CHCHD3: variants seen among roughly 807,000 people sequenced by gnomAD.
The protein encoded by CHCHD3 is coiled-coil-helix-coiled-coil-helix domain containing 3.
In CHCHD3, 20 loss-of-function variants were observed where a neutral mutation model predicts 38.2. The observed-to-expected ratio is 0.52, with a 90% CI of 0.37 to 0.76. The LOEUF is 0.76. Among genes scored for constraint, CHCHD3 ranks in the 30% least tolerant of loss-of-function variants. The pLI, the probability that CHCHD3 is intolerant of heterozygous loss-of-function variation, is 0.00. For synonymous variants in CHCHD3, 82 were observed against 100.0 expected (o/e 0.82, Z 1.07); for missense variants, 245 against 279.2 (o/e 0.88, Z 0.87).
chr7:132,952,606 T>C (rs963958246), intron 4 of CHCHD3, among the ~76,000 whole-genome samples: 6 of 152,220 alleles, frequency 3.9e-5, no homozygotes, highest in African/African-American at 1.2e-4. Context: ...AATAGAGAGA[T>C]GAGCAGTTCA....
intron 4 of CHCHD3, chr7:132,886,912 AAC>A (rs1809231791): frequency 7.4e-6 from 8 of 1,079,518 alleles, no homozygotes; most frequent in Non-Finnish European, 1.2e-6. Flanking sequence ...CTGTCTACTC[AAC>A]TATCTGCTTA....
At chr7:133,054,631 G>A (rs1032528729) in intron 2 of CHCHD3, among the ~76,000 whole-genome samples, 1 of 152,138 alleles carries the variant, frequency 6.6e-6, no homozygotes, top group African/African-American at 2.4e-5. Context: ...ATGGTGTTTA[G>A]TATATCCTCA....
At chr7:132,955,173 G>GGTGTGTGTGTGTGTGTGT (rs3050414) in intron 4 of CHCHD3, among the ~76,000 whole-genome samples, 2,935 of 126,214 alleles carry the variant, frequency 0.023, 82 homozygotes, top group African/African-American at 0.04. Flanking sequence ...TCCCTCAGAG[G>GGTGTGTGTGTGTGTGTGT]GTGTGTGTGT....
chr7:132,905,457 C>T (rs1037349631), intron 4 of CHCHD3, among the ~76,000 whole-genome samples: 37 of 151,936 alleles, frequency 2.4e-4, no homozygotes, highest in African/African-American at 8.7e-4. Flanking sequence ...GGGGGGCTGT[C>T]GGGAGGGAGA....
intron 4 of CHCHD3, 30 bp downstream of exon 4, chr7:132,975,139 G>T: frequency 6.4e-7 from 1 of 1,568,138 alleles, no homozygotes; most frequent in Admixed American, 1.7e-5. Context: ...TTGTAGGCAA[G>T]AAAATTTCTC....
intron 2 of CHCHD3, among the ~76,000 whole-genome samples, chr7:133,027,327 A>G (rs1228306068): frequency 4.7e-5 from 7 of 150,530 alleles, no homozygotes; most frequent in Admixed American, 4.6e-4. Flanking sequence ...GAATGGATGA[A>G]TATTATGATA....
At chr7:132,983,500 T>C (rs1290096496) in intron 3 of CHCHD3, among the ~76,000 whole-genome samples, 1 of 152,244 alleles carries the variant, frequency 6.6e-6, no homozygotes, top group East Asian at 1.9e-4. Flanking sequence ...CTGTTGCTAT[T>C]GTAGCGAGCT....
In CHCHD3 at chr7:132,995,762, T is replaced by C. The variant is rs568178923; in HGVS notation, c.252-20476A>G. Among the ~76,000 whole-genome samples the C allele has an allele frequency of 5.2e-4, 79 of 152,192 alleles. 3 individuals carry two copies. The highest frequency in any genetic ancestry group is 6.5e-5 in the Admixed American group (1 of 15,276). ...ATCAGGCCTATGTGCTCCTTCATTT[T>C]CTCACTCCATTCATTTTTTTATTTT... is the stretch of plus-strand genomic sequence containing the variant. On this transcript the variant is annotated intron_variant, in intron 3 of 7. Coordinates refer to ENST00000262570, the MANE Select transcript of CHCHD3 (RefSeq NM_017812.4).
At chr7:132,940,741 T>C (rs1166160937) in intron 4 of CHCHD3, among the ~76,000 whole-genome samples, 1 of 152,122 alleles carries the variant, frequency 6.6e-6, no homozygotes, top group East Asian at 1.9e-4. Flanking sequence ...TTGACTTGGG[T>C]GGAAATAAGT....
intron 4 of CHCHD3, among the ~76,000 whole-genome samples, chr7:132,924,148 A>C (rs1271072662): frequency 6.6e-6 from 1 of 152,214 alleles, no homozygotes; most frequent in Admixed American, 6.5e-5. Context: ...TTTCCATGAG[A>C]GTAAGATCAG....
chr7:132,935,111 G>T (rs1810605706), intron 4 of CHCHD3, among the ~76,000 whole-genome samples: 1 of 149,988 alleles, frequency 6.7e-6, no homozygotes, highest in South Asian at 2.1e-4. Context: ...ACAGCCTCAG[G>T]AAAATTATTA....
intron 1 of CHCHD3, among the ~76,000 whole-genome samples, chr7:133,077,091 T>C (rs1815013145): frequency 6.6e-6 from 1 of 152,212 alleles, no homozygotes; most frequent in Non-Finnish European, 1.5e-5. Flanking sequence ...GGAACCCATA[T>C]ATATGTTGAT....
intron 6 of CHCHD3, among the ~76,000 whole-genome samples, chr7:132,837,205 A>C (rs755750147): frequency 9.2e-5 from 14 of 152,186 alleles, no homozygotes; most frequent in Non-Finnish European, 1.6e-4. Flanking sequence ...ATATTCGGGG[A>C]GCCAACTCGA....
At chr7:133,044,217 T>A (rs1469032104) in intron 2 of CHCHD3, among the ~76,000 whole-genome samples, 1 of 152,208 alleles carries the variant, frequency 6.6e-6, no homozygotes, top group East Asian at 1.9e-4. Flanking sequence ...CAAAACTCAC[T>A]AGACATTTAA....
At chr7:132,879,257 G>A (rs1015053955) in intron 5 of CHCHD3, among the ~76,000 whole-genome samples, 2 of 152,028 alleles carry the variant, frequency 1.3e-5, no homozygotes, top group Admixed American at 6.6e-5. Flanking sequence ...TAAATGCAGT[G>A]GGGGGAGGTG....
At chr7:132,922,463 C>T (rs922316005) in intron 4 of CHCHD3, among the ~76,000 whole-genome samples, 1 of 152,160 alleles carries the variant, frequency 6.6e-6, no homozygotes, top group African/African-American at 2.4e-5. Context: ...TGCAATGCAA[C>T]TCACTCATGT....
At chr7:132,850,649 T>G (rs1377868791) in intron 5 of CHCHD3, among the ~76,000 whole-genome samples, 1 of 152,150 alleles carries the variant, frequency 6.6e-6, no homozygotes. Context: ...ACTTTTTTAC[T>G]TCTATTAATA....
At chr7:132,887,319 T>G (rs1809242400) in intron 4 of CHCHD3, among the ~76,000 whole-genome samples, 1 of 151,790 alleles carries the variant, frequency 6.6e-6, no homozygotes, top group African/African-American at 2.4e-5. Flanking sequence ...AGTAAAAATT[T>G]TATTAGACTG....
intron 2 of CHCHD3, among the ~76,000 whole-genome samples, chr7:133,067,518 A>G (rs528802533): frequency 4.1e-4 from 63 of 152,316 alleles, no homozygotes; most frequent in African/African-American, 1.4e-3. Context: ...GAACAGATTC[A>G]CCATTTTGAG....
Sources: gnomAD v4.1 joint callset for allele counts (sites outside exome capture counted in the v4.1 genomes callset) on GRCh38, gnomAD v4.1.1 for gene constraint, MANE v1.5 for transcripts, NCBI Gene and HGNC (gene_info 2026-07-23, HGNC 2026-07-21) for gene names.